Variants in DACH1 observed in about 807,000 individuals in gnomAD.
DACH1 encodes the protein dachshund homolog 1.
A neutral mutation model predicts 54.2 loss-of-function variants in DACH1; 12 were observed. The observed-to-expected ratio is 0.22, with a 90% CI of 0.14 to 0.36. DACH1 has a LOEUF of 0.36. Ranked by LOEUF, DACH1 falls within the 10% of genes least tolerant of loss-of-function variation. DACH1 has a pLI of 1.00. For synonymous variants in DACH1, 386 were observed against 366.2 expected (o/e 1.05, Z -0.62); for missense variants, 805 against 929.8 (o/e 0.87, Z 1.75).
At chr13:71,529,294 C>A (rs1882249076) in intron 6 of DACH1, among the ~76,000 whole-genome samples, 1 of 148,758 alleles carries the variant, frequency 6.7e-6, no homozygotes, top group African/African-American at 2.5e-5. Context: ...TCAAGTGATT[C>A]TCCTGCCTCA....
At chr13:71,570,429 T>A (rs1033287032) in intron 4 of DACH1, among the ~76,000 whole-genome samples, 1 of 152,186 alleles carries the variant, frequency 6.6e-6, no homozygotes, top group South Asian at 2.1e-4. Context: ...CAACAGCCAA[T>A]TGAACTTCAC....
At chr13:71,588,644 T>A (rs1020611677) in intron 3 of DACH1, among the ~76,000 whole-genome samples, 8 of 152,006 alleles carry the variant, frequency 5.3e-5, no homozygotes, top group African/African-American at 1.4e-4. Flanking sequence ...TCTGAAGTCA[T>A]TTTTTCAGAA....
At chr13:71,652,112 T>C (rs563558992) in intron 2 of DACH1, among the ~76,000 whole-genome samples, 206 of 152,292 alleles carry the variant, frequency 1.4e-3, no homozygotes, top group African/African-American at 4.9e-3. Context: ...CAAATGCTTA[T>C]AAAGATTACA....
chr13:71,770,290 G>A (rs145751438), intron 1 of DACH1, among the ~76,000 whole-genome samples: 32 of 151,512 alleles, frequency 2.1e-4, no homozygotes, highest in African/African-American at 6.0e-4. Flanking sequence ...CACACTCACC[G>A]AACAGTCTAA....
At chr13:71,506,314 G>A (rs1242681268) in intron 6 of DACH1, among the ~76,000 whole-genome samples, 1 of 124,484 alleles carries the variant, frequency 8.0e-6, no homozygotes, top group African/African-American at 3.1e-5. Context: ...AGTCCCCAGA[G>A]TGTGATATTC....
At chr13:71,445,186 CT>C (rs1874340816) in intron 10 of DACH1, among the ~76,000 whole-genome samples, 1 of 152,018 alleles carries the variant, frequency 6.6e-6, no homozygotes, top group Non-Finnish European at 1.5e-5. Flanking sequence ...AAATGTTAAA[CT>C]TTTGAAGAAA....
At chr13:71,773,486 T>C (rs1232092184) in intron 1 of DACH1, among the ~76,000 whole-genome samples, 1 of 151,964 alleles carries the variant, frequency 6.6e-6, no homozygotes, top group East Asian at 1.9e-4. Context: ...ACCAATGAAA[T>C]GTTTGGTAAT....
At chr13:71,475,521 A>AG (rs1384068633) in intron 9 of DACH1, among the ~76,000 whole-genome samples, 185 bp downstream of exon 9, 3 of 152,160 alleles carry the variant, frequency 2.0e-5, no homozygotes, top group African/African-American at 7.2e-5. Flanking sequence ...TCAGTAAAAA[A>AG]CAGTGGAAGC....
At chr13:71,590,227 T>C (rs1040189149) in intron 3 of DACH1, among the ~76,000 whole-genome samples, 2 of 152,112 alleles carry the variant, frequency 1.3e-5, no homozygotes, top group Non-Finnish European at 2.9e-5. Context: ...AAATCATTAA[T>C]ATAATTAAAC....
intron 5 of DACH1, among the ~76,000 whole-genome samples, chr13:71,558,849 C>A (rs1162646456): frequency 1.3e-5 from 2 of 152,016 alleles, no homozygotes; most frequent in African/African-American, 2.4e-5. Context: ...CCCAGATCAA[C>A]AATTTTCACT....
chr13:71,672,968 G>A (rs1188851513), intron 2 of DACH1, among the ~76,000 whole-genome samples: 1 of 152,116 alleles, frequency 6.6e-6, no homozygotes, highest in Non-Finnish European at 1.5e-5. Context: ...ATTACTAAAA[G>A]GAAGCAAATA....
chr13:71,683,533 A>G (rs1881011855), intron 1 of DACH1, among the ~76,000 whole-genome samples: 1 of 152,148 alleles, frequency 6.6e-6, no homozygotes, highest in Non-Finnish European at 1.5e-5. Context: ...AGACTTTCAG[A>G]GTTATTGCCT....
At chr13:71,601,478 C>T (rs1874489805) in intron 3 of DACH1, among the ~76,000 whole-genome samples, 1 of 151,752 alleles carries the variant, frequency 6.6e-6, no homozygotes, top group Non-Finnish European at 1.5e-5. Context: ...TTTTATTTGC[C>T]TTGTATTGTT....
chr13:71,809,368 A>G (rs1435662568), intron 1 of DACH1, among the ~76,000 whole-genome samples: 1 of 152,030 alleles, frequency 6.6e-6, no homozygotes, highest in Non-Finnish European at 1.5e-5. Context: ...ACAGAGTCTC[A>G]TCATGTTGCC....
chr13:71,522,045 C>A (rs893161420), intron 6 of DACH1, among the ~76,000 whole-genome samples: 1 of 152,090 alleles, frequency 6.6e-6, no homozygotes, highest in African/African-American at 2.4e-5. Context: ...ACAACCAAAT[C>A]CAAATTGTTC....
intron 3 of DACH1, among the ~76,000 whole-genome samples, chr13:71,581,208 G>T (rs2138434117): frequency 6.6e-6 from 1 of 152,168 alleles, no homozygotes; most frequent in East Asian, 1.9e-4. Context: ...TTATGGAGCA[G>T]CTTATGATAT....
Position 71,492,087 on chromosome 13 carries a change from T to G in DACH1, c.1571-2939A>C, listed in dbSNP as rs1041485517. On this transcript the variant is annotated intron_variant, in intron 6 of 10. Transcript: ENST00000613252. ...AGCATTTGACAATGTAATTTCTTGT[T>G]TTTTTTTGTTTTCTTAAAAAACATT... Among the ~76,000 whole-genome samples the G allele has an allele frequency of 3.3e-5, 5 of 152,024 alleles. No individual in the cohort carries two copies. In the South Asian group the frequency reaches 1.0e-3, roughly 32 times the overall value.
chr13:71,713,381 C>A (rs1882821036), intron 1 of DACH1, among the ~76,000 whole-genome samples: 1 of 152,038 alleles, frequency 6.6e-6, no homozygotes, highest in South Asian at 2.1e-4. Context: ...AAAACATGGA[C>A]TAAATGGTAG....
chr13:71,818,385 C>A (rs1256482189), intron 1 of DACH1, among the ~76,000 whole-genome samples: 1 of 152,090 alleles, frequency 6.6e-6, no homozygotes, highest in Non-Finnish European at 1.5e-5. Flanking sequence ...TCAGTGAATG[C>A]AACACCAGAG....
Sources: allele counts gnomAD v4.1 joint callset (sites outside exome capture counted in the v4.1 genomes callset), GRCh38; gene constraint gnomAD v4.1.1; transcripts MANE v1.5; gene names NCBI Gene and HGNC (gene_info 2026-07-23, HGNC 2026-07-21).